Variants in UQCC5 observed in about 807,000 individuals in gnomAD.
UQCC5 encodes the protein ubiquinol-cytochrome c reductase complex assembly factor 5.
At chr3:52,536,979 A>C in the UQCC5 span, 3 of 1,529,928 alleles carry the variant, frequency 2.0e-6, no homozygotes, top group Non-Finnish European at 2.7e-6. Flanking sequence ...TTTTCTGGGG[A>C]GTATTCTCAG....
the UQCC5 span, chr3:52,541,488 C>CACTT: frequency 6.6e-6 from 1 of 152,170 alleles, no homozygotes; most frequent in African/African-American, 2.4e-5. Context: ...AATTTTAGTC[C>CACTT]ACTTATCTTA....
At chr3:52,538,525 G>C in the UQCC5 span, among the ~76,000 whole-genome samples, 1 of 152,158 alleles carries the variant, frequency 6.6e-6, no homozygotes, top group African/African-American at 2.4e-5. Context: ...GCAGTGGTGC[G>C]ATCTTGGCTC....
At chr3:52,536,736 CT>C in the UQCC5 span, 2 of 1,551,726 alleles carry the variant, frequency 1.3e-6, no homozygotes, top group Non-Finnish European at 1.7e-6. Context: ...TCATATCCCT[CT>C]CCACGACCTC....
chr3:52,540,691 G>T, the UQCC5 span: 2 of 448,094 alleles, frequency 4.5e-6, no homozygotes, highest in Non-Finnish European at 7.8e-6. Flanking sequence ...CAGCACTTGT[G>T]GGAAAATTAT....
At chr3:52,538,328 A>G in the UQCC5 span, among the ~76,000 whole-genome samples, 1 of 152,228 alleles carries the variant, frequency 6.6e-6, no homozygotes. Context: ...CATCCTGGGC[A>G]CCATCTGGGA....
the UQCC5 span, among the ~76,000 whole-genome samples, chr3:52,537,090 G>A: frequency 6.6e-6 from 1 of 152,306 alleles, no homozygotes; most frequent in African/African-American, 2.4e-5. Flanking sequence ...GCACATTGGC[G>A]TCCAGCCTTG....
chr3:52,540,355 A>G, the UQCC5 span: 2 of 1,189,148 alleles, frequency 1.7e-6, no homozygotes, highest in Admixed American at 2.9e-5. Flanking sequence ...ACTATTGGTT[A>G]AATTATTCAG....
the UQCC5 span, among the ~76,000 whole-genome samples, chr3:52,537,715 A>G: frequency 2.0e-5 from 3 of 152,154 alleles, no homozygotes; most frequent in East Asian, 5.8e-4. Flanking sequence ...TTAGCATACA[A>G]AGTGATCAGT....
the UQCC5 span, among the ~76,000 whole-genome samples, chr3:52,539,309 C>A: frequency 6.6e-6 from 1 of 152,152 alleles, no homozygotes; most frequent in African/African-American, 2.4e-5. Flanking sequence ...GGAGAGAGAA[C>A]AAGAAGCGGC....
At chr3:52,536,607 T>C in the UQCC5 span, 2 of 1,454,458 alleles carry the variant, frequency 1.4e-6, no homozygotes, top group African/African-American at 2.8e-5. Context: ...GTTCCGGCAC[T>C]CGTGCGCCTA....
At chr3:52,537,355 T>C in the UQCC5 span, among the ~76,000 whole-genome samples, 1 of 152,198 alleles carries the variant, frequency 6.6e-6, no homozygotes, top group Non-Finnish European at 1.5e-5. Flanking sequence ...AGGACAGTCA[T>C]TGGCACCAGG....
At chr3:52,540,436 G>A in the UQCC5 span, 61 of 1,528,308 alleles carry the variant, frequency 4.0e-5, no homozygotes, top group Middle Eastern at 1.7e-4. Flanking sequence ...GATGTCTACC[G>A]TAGAAAAGCC....
At chr3:52,536,741 C>G in the UQCC5 span, 1 of 1,551,750 alleles carries the variant, frequency 6.4e-7, no homozygotes, top group Non-Finnish European at 8.7e-7. Flanking sequence ...TCCCTCTCCA[C>G]GACCTCGGTC....
chr3:52,540,433 A>G, the UQCC5 span: 4 of 1,527,514 alleles, frequency 2.6e-6, no homozygotes, highest in Non-Finnish European at 3.5e-6. Flanking sequence ...GATGATGTCT[A>G]CCGTAGAAAA....
chr3:52,536,929 C>T, the UQCC5 span: 3 of 1,551,074 alleles, frequency 1.9e-6, no homozygotes, highest in Non-Finnish European at 2.6e-6. Flanking sequence ...GTAGCAGTCT[C>T]TGTTTCCTTT....
At chr3:52,541,577 CAG>C in the UQCC5 span, 1 of 152,228 alleles carries the variant, frequency 6.6e-6, no homozygotes, top group East Asian at 1.9e-4. Context: ...GCAGCAAGCC[CAG>C]AGTCACAGCT....
chr3:52,539,108 C>T, the UQCC5 span, among the ~76,000 whole-genome samples: 1 of 152,018 alleles, frequency 6.6e-6, no homozygotes, highest in Non-Finnish European at 1.5e-5. Flanking sequence ...AGGATGATGG[C>T]TGAGGAAACA....
the UQCC5 span, chr3:52,536,764 C>T: frequency 2.6e-6 from 4 of 1,551,832 alleles, no homozygotes; most frequent in Non-Finnish European, 3.5e-6. Flanking sequence ...GCATGTTCAC[C>T]AGGGCCCAGG....
the UQCC5 span, among the ~76,000 whole-genome samples, chr3:52,538,106 G>A: frequency 6.6e-6 from 1 of 152,200 alleles, no homozygotes. Flanking sequence ...GAACAGTTAC[G>A]CTGTATGGCT....
Sources: allele counts gnomAD v4.1 joint callset (sites outside exome capture counted in the v4.1 genomes callset), GRCh38; gene constraint gnomAD v4.1.1; transcripts MANE v1.5; gene names NCBI Gene and HGNC (gene_info 2026-07-23, HGNC 2026-07-21).